The following HS6ST3 variants were observed in gnomAD, a reference collection of about 807,000 sequenced individuals.
The protein encoded by HS6ST3 is heparan sulfate 6-O-sulfotransferase 3, also known as heparan-sulfate 6-O-sulfotransferase 3.
A neutral mutation model predicts 36.7 loss-of-function variants in HS6ST3; 12 were observed. That is an observed-to-expected ratio of 0.33 (90% CI 0.21 to 0.53). The LOEUF is 0.53. Ranked by LOEUF, HS6ST3 falls within the 20% of genes least tolerant of loss-of-function variation. The pLI, the probability that HS6ST3 is intolerant of heterozygous loss-of-function variation, is 0.95. For missense variants in HS6ST3, 584 were observed against 640.9 expected (o/e 0.91, Z 0.96); for synonymous variants, 240 against 257.5 (o/e 0.93, Z 0.65).
At chr13:96,175,938 G>A (rs894649802) in intron 1 of HS6ST3, among the ~76,000 whole-genome samples, 6 of 151,880 alleles carry the variant, frequency 4.0e-5, no homozygotes, top group Admixed American at 3.9e-4. Context: ...GGGTTCAAGT[G>A]ATTCTCAGCC....
At chr13:96,794,086 A>G (rs959296839) in intron 1 of HS6ST3, among the ~76,000 whole-genome samples, 1 of 152,050 alleles carries the variant, frequency 6.6e-6, no homozygotes, top group African/African-American at 2.4e-5. Flanking sequence ...TGGCATGTAT[A>G]TACCTGACTA....
chr13:96,616,785 C>G (rs2056475746), intron 1 of HS6ST3, among the ~76,000 whole-genome samples: 1 of 152,150 alleles, frequency 6.6e-6, no homozygotes. Flanking sequence ...ACAAAGTTGG[C>G]TAATTCTTTG....
In HS6ST3 at chr13:96,751,043, G is replaced by A. The variant is rs1280612937; in HGVS notation, c.708-81447G>A. Among the ~76,000 whole-genome samples, 4 of 151,948 alleles carry A rather than the reference G, an allele frequency of 2.6e-5. No individual in the cohort carries two copies. The East Asian group carries it at 7.7e-4, about 29-fold the overall frequency. ...CTATGTTTATTTTATCTACATATTTGCATTAAGAGAATCACACTTTTTTTT... is the reference window on the plus strand; with the variant it reads ...CTATGTTTATTTTATCTACATATTTACATTAAGAGAATCACACTTTTTTTT... On this transcript the variant is annotated intron_variant, in intron 1 of 1. Transcript: ENST00000376705.
intron 1 of HS6ST3, among the ~76,000 whole-genome samples, chr13:96,173,362 G>C (rs577260236): frequency 9.2e-5 from 14 of 152,232 alleles, no homozygotes; most frequent in South Asian, 2.1e-4. Context: ...CTACTCAAAA[G>C]TCTTGAACTA....
At chr13:96,395,002 G>C (rs1228049366) in intron 1 of HS6ST3, among the ~76,000 whole-genome samples, 1 of 152,106 alleles carries the variant, frequency 6.6e-6, no homozygotes, top group African/African-American at 2.4e-5. Flanking sequence ...ACCTCTGCCT[G>C]TTTACACTGT....
At chr13:96,319,809 C>T (rs902497678) in intron 1 of HS6ST3, among the ~76,000 whole-genome samples, 20 of 152,184 alleles carry the variant, frequency 1.3e-4, no homozygotes, top group Non-Finnish European at 2.6e-4. Flanking sequence ...TTCAGGATTT[C>T]GTTTTAAAGC....
chr13:96,287,051 C>T (rs1372248974), intron 1 of HS6ST3, among the ~76,000 whole-genome samples: 1 of 152,110 alleles, frequency 6.6e-6, no homozygotes, highest in Non-Finnish European at 1.5e-5. Context: ...CAGGGCACAG[C>T]CTCTCCTCTG....
intron 1 of HS6ST3, among the ~76,000 whole-genome samples, chr13:96,749,732 C>G (rs1876653328): frequency 6.6e-6 from 1 of 152,082 alleles, no homozygotes; most frequent in African/African-American, 2.4e-5. Context: ...GGTCACTCAT[C>G]TGCTGAAGTA....
intron 1 of HS6ST3, among the ~76,000 whole-genome samples, chr13:96,689,897 A>G (rs547085519): frequency 6.6e-6 from 1 of 152,162 alleles, no homozygotes; most frequent in South Asian, 2.1e-4. Context: ...ACTTAGCTAT[A>G]TGATAGACTG....
At chr13:96,649,930 T>C (rs980097827) in intron 1 of HS6ST3, among the ~76,000 whole-genome samples, 5 of 152,044 alleles carry the variant, frequency 3.3e-5, no homozygotes, top group East Asian at 1.9e-4. Context: ...TACTCTGCAG[T>C]AGCTATGCTG....
At chr13:96,145,970 G>A (rs948571881) in intron 1 of HS6ST3, among the ~76,000 whole-genome samples, 37 of 152,208 alleles carry the variant, frequency 2.4e-4, no homozygotes, top group African/African-American at 8.4e-4. Context: ...TTGTAGATAC[G>A]TGGCATTATT....
chr13:96,707,932 C>T (rs1472447973), intron 1 of HS6ST3, among the ~76,000 whole-genome samples: 2 of 152,148 alleles, frequency 1.3e-5, no homozygotes, highest in African/African-American at 4.8e-5. Flanking sequence ...CTCTATTGAC[C>T]ATTAATGATC....
At chr13:96,321,320 A>G (rs2055001856) in intron 1 of HS6ST3, among the ~76,000 whole-genome samples, 2 of 152,046 alleles carry the variant, frequency 1.3e-5, no homozygotes, top group Admixed American at 1.3e-4. Context: ...ACTTTACAGC[A>G]CTGTCGTAAT....
intron 1 of HS6ST3, among the ~76,000 whole-genome samples, chr13:96,347,921 C>T (rs1594759429): frequency 1.3e-5 from 2 of 152,276 alleles, no homozygotes; most frequent in East Asian, 1.9e-4. Flanking sequence ...TGACATTTCC[C>T]AGTAGGCTTC....
At chr13:96,128,361 C>T (rs1047852821) in intron 1 of HS6ST3, among the ~76,000 whole-genome samples, 4 of 152,110 alleles carry the variant, frequency 2.6e-5, no homozygotes, top group Non-Finnish European at 5.9e-5. Flanking sequence ...CCATGGATAT[C>T]CTCTCTGGAC....
chr13:96,802,984 C>CTT (rs1878116832), intron 1 of HS6ST3, among the ~76,000 whole-genome samples: 2 of 152,164 alleles, frequency 1.3e-5, no homozygotes, highest in Admixed American at 1.3e-4. Flanking sequence ...CCTCCCTCAT[C>CTT]CCCAATAACG....
At chr13:96,823,702 C>T (rs1355925905) in intron 1 of HS6ST3, among the ~76,000 whole-genome samples, 1 of 152,048 alleles carries the variant, frequency 6.6e-6, no homozygotes, top group Admixed American at 6.5e-5. Context: ...TCACTGCAAC[C>T]TCCGCCTCCC....
At chr13:96,245,549 T>C (rs2054580759) in intron 1 of HS6ST3, among the ~76,000 whole-genome samples, 2 of 152,168 alleles carry the variant, frequency 1.3e-5, no homozygotes, top group African/African-American at 4.8e-5. Context: ...GTCCTCTTTC[T>C]AGACCCTATT....
At chr13:96,638,745 C>T (rs2056558562) in intron 1 of HS6ST3, among the ~76,000 whole-genome samples, 1 of 151,878 alleles carries the variant, frequency 6.6e-6, no homozygotes, top group Admixed American at 6.6e-5. Context: ...GTCAATTAAA[C>T]CTCTTTTTTA....
Sources: gnomAD v4.1 joint callset for allele counts (sites outside exome capture counted in the v4.1 genomes callset) on GRCh38, gnomAD v4.1.1 for gene constraint, MANE v1.5 for transcripts, NCBI Gene and HGNC (gene_info 2026-07-23, HGNC 2026-07-21) for gene names.